The following NFIB variants were observed in gnomAD, a reference collection of about 807,000 sequenced individuals.
NFIB encodes nuclear factor I B, also known as nuclear factor 1 B-type.
Under a neutral mutation model 61.5 loss-of-function variants are expected in NFIB, and 11 were observed. The observed-to-expected ratio is 0.18, with a 90% confidence interval of 0.11 to 0.30. NFIB has a LOEUF of 0.30. Among genes scored for constraint, NFIB ranks in the 10% least tolerant of loss-of-function variants. NFIB has a pLI of 1.00. For missense variants in NFIB, 471 were observed against 608.9 expected (o/e 0.77, Z 2.38); for synonymous variants, 260 against 216.5 (o/e 1.20, Z -1.76).
chr9:14,290,007 C>A (rs973882423), intron 2 of NFIB, among the ~76,000 whole-genome samples: 1 of 152,058 alleles, frequency 6.6e-6, no homozygotes, highest in Non-Finnish European at 1.5e-5. Context: ...TCACTTTTAT[C>A]TCCCATTATG....
the NFIB span, among the ~76,000 whole-genome samples, chr9:14,506,644 G>A: frequency 6.6e-6 from 1 of 152,154 alleles, no homozygotes; most frequent in Non-Finnish European, 1.5e-5. Flanking sequence ...TGTAGGTTAG[G>A]TTTATTCTAA....
intron 1 of NFIB, among the ~76,000 whole-genome samples, chr9:14,374,530 G>C (rs963893049): frequency 3.9e-5 from 6 of 152,226 alleles, no homozygotes; most frequent in Non-Finnish European, 7.3e-5. Context: ...GTTTACAAAG[G>C]AGAGAAACTT....
At chr9:14,416,748 G>A in the NFIB span, among the ~76,000 whole-genome samples, 1 of 151,978 alleles carries the variant, frequency 6.6e-6, no homozygotes, top group Non-Finnish European at 1.5e-5. Context: ...CAAGTGCACA[G>A]TCTTTATAAA....
At chr9:14,219,048 T>C (rs2051303952) in intron 2 of NFIB, among the ~76,000 whole-genome samples, 2 of 152,150 alleles carry the variant, frequency 1.3e-5, no homozygotes, top group African/African-American at 4.8e-5. Flanking sequence ...CAGTGCTGGC[T>C]CTTCATTAAG....
At position 14,084,192 on chromosome 9, in the gene NFIB, A is replaced by C. The variant is rs2032473653; in HGVS notation, c.*4117T>G. The C allele has an allele frequency of 5.0e-6, 1 of 200,580 alleles. No homozygotes were observed. The highest frequency in any genetic ancestry group is 2.3e-5 in the African/African-American group (1 of 43,448). 12.4% of individuals were successfully genotyped at this position (200,580 alleles called of 1,614,324 possible). On this transcript the variant is annotated 3_prime_UTR_variant, in exon 11 of 11. Coordinates refer to ENST00000380953, the MANE Select transcript of NFIB (RefSeq NM_001190737.2). ...GACTGGAGAGTTTTAACTCAAGTCC[A>C]GTCTCTAAACAAGGAATATTCTTGT... is the stretch of plus-strand genomic sequence containing the variant.
intron 1 of NFIB, among the ~76,000 whole-genome samples, chr9:14,382,728 T>C (rs2061503403): frequency 6.6e-6 from 1 of 151,826 alleles, no homozygotes; most frequent in South Asian, 2.1e-4. Context: ...ATCAATAGGA[T>C]AACCAAAAAA....
chr9:14,431,500 TG>T, the NFIB span, among the ~76,000 whole-genome samples: 2 of 152,208 alleles, frequency 1.3e-5, no homozygotes, highest in Non-Finnish European at 2.9e-5. Flanking sequence ...TATGATTTGT[TG>T]CATGCCTGCC....
chr9:14,246,569 G>C (rs2054953309), intron 2 of NFIB, among the ~76,000 whole-genome samples: 1 of 152,196 alleles, frequency 6.6e-6, no homozygotes, highest in Admixed American at 6.5e-5. Flanking sequence ...GATTTGTAGA[G>C]TGAATGCCCA....
chr9:14,250,073 C>T (rs1190319560), intron 2 of NFIB, among the ~76,000 whole-genome samples: 1 of 152,086 alleles, frequency 6.6e-6, no homozygotes, highest in African/African-American at 2.4e-5. Context: ...GGTAACACAC[C>T]AAGTTTTAAA....
intron 1 of NFIB, among the ~76,000 whole-genome samples, chr9:14,308,985 A>G (rs1468933102): frequency 6.6e-6 from 1 of 152,236 alleles, no homozygotes; most frequent in East Asian, 1.9e-4. Flanking sequence ...TGCACACCGC[A>G]TGTACGCAAT....
At chr9:14,323,767 T>C (rs1421291180) in intron 1 of NFIB, among the ~76,000 whole-genome samples, 2 of 152,248 alleles carry the variant, frequency 1.3e-5, no homozygotes, top group Non-Finnish European at 2.9e-5. Flanking sequence ...TTCGGGTTCA[T>C]ACCTCCTACA....
intron 2 of NFIB, among the ~76,000 whole-genome samples, chr9:14,216,114 T>G (rs1226085786): frequency 1.3e-5 from 2 of 152,180 alleles, no homozygotes; most frequent in Non-Finnish European, 2.9e-5. Context: ...AATAACAGAC[T>G]TCATCTTCAT....
upstream of NFIB, among the ~76,000 whole-genome samples, chr9:14,314,791 CT>C (rs773956206): frequency 4.9e-3 from 660 of 133,906 alleles, 4 homozygotes; most frequent in African/African-American, 0.016. Flanking sequence ...AGAACCATGA[CT>C]TTTTTTTTTT....
At chr9:14,384,111 C>T (rs2061522516) in intron 1 of NFIB, among the ~76,000 whole-genome samples, 1 of 152,130 alleles carries the variant, frequency 6.6e-6, no homozygotes, top group African/African-American at 2.4e-5. Context: ...CTTTTAAATC[C>T]TTGTGTGGTT....
At chr9:14,380,701 G>A (rs1193519929) in intron 1 of NFIB, among the ~76,000 whole-genome samples, 1 of 152,124 alleles carries the variant, frequency 6.6e-6, no homozygotes, top group African/African-American at 2.4e-5. Flanking sequence ...ATTTTGGAGA[G>A]TAGCAATGAC....
intron 1 of NFIB, among the ~76,000 whole-genome samples, chr9:14,381,424 C>T (rs979248209): frequency 5.9e-5 from 9 of 152,122 alleles, no homozygotes; most frequent in Non-Finnish European, 1.2e-4. Context: ...CTCCTGGGCT[C>T]AAGTGATCTG....
chr9:14,388,865 T>A (rs1268167898), intron 1 of NFIB, among the ~76,000 whole-genome samples: 1 of 152,232 alleles, frequency 6.6e-6, no homozygotes, highest in South Asian at 2.1e-4. Context: ...TGACATGTCT[T>A]GTAATTAAAA....
chr9:14,360,877 T>A (rs919493518), intron 1 of NFIB, among the ~76,000 whole-genome samples: 2 of 152,174 alleles, frequency 1.3e-5, no homozygotes, highest in Non-Finnish European at 2.9e-5. Flanking sequence ...TTCAGTGATG[T>A]TGTACCTTTG....
In NFIB at chr9:14,285,370, C is replaced by A. The variant is rs992833483; in HGVS notation, c.562+21619G>T. Among the ~76,000 whole-genome samples, 8 of 152,210 alleles carry A rather than the reference C, an allele frequency of 5.3e-5. No homozygotes were observed. In the South Asian group the frequency reaches 1.2e-3, roughly 24 times the overall value. On this transcript the variant is annotated intron_variant, in intron 2 of 10. Transcript: ENST00000380953. The stretch of plus-strand genomic sequence containing the variant: ...ACTCCTGACCTCAGGTAATCCCCCA[C>A]CTCGGCCTCCCAAAGTGCTGGGATT...
Sources: allele counts gnomAD v4.1 joint callset (sites outside exome capture counted in the v4.1 genomes callset), GRCh38; gene constraint gnomAD v4.1.1; transcripts MANE v1.5; gene names NCBI Gene and HGNC (gene_info 2026-07-23, HGNC 2026-07-21).